The following FHOD3 variants were observed in gnomAD, a reference collection of about 807,000 sequenced individuals.
FHOD3 encodes FH1/FH2 domain-containing protein 3.
Under a neutral mutation model 173.0 loss-of-function variants are expected in FHOD3, and 90 were observed. The observed-to-expected ratio is 0.52, with a 90% confidence interval of 0.44 to 0.62. The LOEUF is 0.62. Among genes scored for constraint, FHOD3 ranks in the 20% least tolerant of loss-of-function variants. The pLI is 0.00. For synonymous variants in FHOD3, 828 were observed against 823.0 expected (o/e 1.01, Z -0.10); for missense variants, 1,945 against 2,034.7 (o/e 0.96, Z 0.85).
At chr18:36,519,973 T>TTTA (rs1555738659) in intron 5 of FHOD3, among the ~76,000 whole-genome samples, 2,449 of 150,218 alleles carry the variant, frequency 0.016, 80 homozygotes, top group African/African-American at 0.058. Flanking sequence ...TTTTTTTTTT[T>TTTA]AAAGAGATGT....
chr18:36,716,314 G>T (rs11662791), intron 18 of FHOD3, among the ~76,000 whole-genome samples: 25 of 152,204 alleles, frequency 1.6e-4, no homozygotes, highest in Non-Finnish European at 3.4e-4. Context: ...TTCTGGATAT[G>T]ACATGAAGGT....
chr18:36,775,818 G>A (rs2043608070), intron 28 of FHOD3, among the ~76,000 whole-genome samples: 1 of 152,240 alleles, frequency 6.6e-6, no homozygotes, highest in Non-Finnish European at 1.5e-5. Context: ...TGTCACCAGG[G>A]CCTGGGGTGC....
At chr18:36,606,967 C>T (rs1474896927) in intron 8 of FHOD3, among the ~76,000 whole-genome samples, 3 of 152,230 alleles carry the variant, frequency 2.0e-5, no homozygotes, top group African/African-American at 7.2e-5. Context: ...CTCAGGCAAC[C>T]CCATCCCTAT....
chr18:36,727,988 C>A (rs927407824), intron 19 of FHOD3, among the ~76,000 whole-genome samples: 1 of 152,204 alleles, frequency 6.6e-6, no homozygotes, highest in Non-Finnish European at 1.5e-5. Flanking sequence ...GCTCACAAGA[C>A]ACCTGCTACT....
chr18:36,780,023 G>C lies in FHOD3; in HGVS notation c.*493G>C, dbSNP rs1404777074. On this transcript the variant is annotated 3_prime_UTR_variant, in exon 29 of 29. Coordinates refer to ENST00000590592, the MANE Select transcript of FHOD3 (RefSeq NM_001281740.3). ...ATACAAATACATACATGTACACCATGTTTCAAATACTAAATAAATAGAGTT... is the reference window on the plus strand; with the variant it reads ...ATACAAATACATACATGTACACCATCTTTCAAATACTAAATAAATAGAGTT... 1.5e-5 allele frequency: 10 copies of C among 675,768 alleles called. No individual in the cohort carries two copies. The highest frequency in any genetic ancestry group is 2.1e-5 in the Non-Finnish European group (10 of 479,346). The allele number at this position is 675,768 out of a possible 1,614,324, so 41.9% of individuals were successfully genotyped here.
rs191265769 is a variant in FHOD3 at position 36,335,452 on chromosome 18, G to A, written c.166-20087G>A. Reference sequence around the variant, plus strand: ...AGAGCTTGCAGTGAGCCGAGATCGCGCCACTGCACTCCAGCCTGGGCGACA... The same window carrying A: ...AGAGCTTGCAGTGAGCCGAGATCGCACCACTGCACTCCAGCCTGGGCGACA... On this transcript the variant is annotated intron_variant, in intron 1 of 28. Coordinates refer to ENST00000590592, the MANE Select transcript of FHOD3 (RefSeq NM_001281740.3). Among the ~76,000 whole-genome samples the A allele has an allele frequency of 8.7e-3, 1,289 of 148,982 alleles. 17 individuals carry two copies. Among genetic ancestry groups the A allele is most frequent in the African/African-American group, 0.029 (1,138 of 39,692 alleles).
intron 3 of FHOD3, among the ~76,000 whole-genome samples, chr18:36,477,591 C>T (rs1260187545): frequency 6.8e-6 from 1 of 147,598 alleles, no homozygotes; most frequent in Non-Finnish European, 1.5e-5. Context: ...ACCTACCTAC[C>T]TACCTACCTA....
At chr18:36,695,168 AC>A (rs552525251) in intron 17 of FHOD3, among the ~76,000 whole-genome samples, 90 of 150,092 alleles carry the variant, frequency 6.0e-4, no homozygotes, top group Non-Finnish European at 8.4e-4. Flanking sequence ...CGTGGAGAAA[AC>A]CGGTCTCTGC....
chr18:36,711,218 C>T (rs2040153506), intron 18 of FHOD3: 1 of 152,238 alleles, frequency 6.6e-6, no homozygotes, highest in African/African-American at 2.4e-5. Context: ...CAGGCATCAT[C>T]AGCCACTGTG....
At chr18:36,399,620 G>A (rs1157157816) in intron 3 of FHOD3, among the ~76,000 whole-genome samples, 1 of 152,198 alleles carries the variant, frequency 6.6e-6, no homozygotes, top group Admixed American at 6.5e-5. Context: ...CTCAGGGCAT[G>A]CACCTTGCTG....
At chr18:36,549,041 G>C (rs571796940) in intron 5 of FHOD3, among the ~76,000 whole-genome samples, 3 of 152,282 alleles carry the variant, frequency 2.0e-5, no homozygotes, top group Admixed American at 2.0e-4. Context: ...ATCCACACTA[G>C]TGTTGTATGA....
chr18:36,476,774 G>C (rs1456928095), intron 3 of FHOD3, among the ~76,000 whole-genome samples: 3 of 152,206 alleles, frequency 2.0e-5, no homozygotes, highest in African/African-American at 7.2e-5. Context: ...CTGTTCTTAA[G>C]TGTAAAGATC....
intron 8 of FHOD3, among the ~76,000 whole-genome samples, chr18:36,606,884 C>T (rs768590603): frequency 2.6e-5 from 4 of 152,224 alleles, no homozygotes; most frequent in Non-Finnish European, 5.9e-5. Context: ...AATCTTAAGA[C>T]ACCAGAATAA....
At position 36,652,568 on chromosome 18, in the gene FHOD3, A is replaced by G; in HGVS notation, c.1287-2A>G. 2 of 1,522,508 alleles carry G rather than the reference A, an allele frequency of 1.3e-6. No individual in the cohort carries two copies. Among genetic ancestry groups the G allele is most frequent in the Non-Finnish European group, 1.8e-6 (2 of 1,137,592 alleles). 94.3% of individuals were successfully genotyped at this position (1,522,508 alleles called of 1,614,324 possible). A position where few individuals can be genotyped will look rare whatever the true frequency, so the allele number is the denominator to read the frequency against. On this transcript the variant is annotated splice_acceptor_variant, in intron 11 of 28. Transcript: ENST00000590592. LOFTEE classifies it high-confidence loss of function. ...TCCTCCTCCTCCCTGCTGGCCCAAC[A>G]GCAAGGTCGGCGCTGCCTCAGGGCA...
chr18:36,620,547 A>G (rs1445753247), intron 9 of FHOD3, among the ~76,000 whole-genome samples: 1 of 152,162 alleles, frequency 6.6e-6, no homozygotes, highest in Non-Finnish European at 1.5e-5. Context: ...TCTAAGCCAT[A>G]TGTCTCATGC....
chr18:36,589,417 G>C (rs1400276524), intron 6 of FHOD3, among the ~76,000 whole-genome samples: 1 of 152,156 alleles, frequency 6.6e-6, no homozygotes, highest in Non-Finnish European at 1.5e-5. Flanking sequence ...GAGGTTGTTT[G>C]TGTGAACAGG....
chr18:36,387,428 T>C (rs2048085684), intron 3 of FHOD3, among the ~76,000 whole-genome samples: 1 of 152,298 alleles, frequency 6.6e-6, no homozygotes, highest in South Asian at 2.1e-4. Context: ...TCCAGCAATT[T>C]CTTGTGGGTA....
rs141510120 is a variant in FHOD3 at position 36,319,140 on chromosome 18, G to T, written c.165+21140G>T. Among the ~76,000 whole-genome samples the T allele has an allele frequency of 3.3e-3, 495 of 152,204 alleles. 4 individuals carry two copies. The highest frequency in any genetic ancestry group is 0.012 in the African/African-American group (480 of 41,522). ...TTCGGTTTGCCAGTATTTTATTGAG[G>T]ATTTTTGCATCGATGTTCATCAGTG... is the stretch of plus-strand genomic sequence containing the variant. On this transcript the variant is annotated intron_variant, in intron 1 of 28. Transcript: ENST00000590592.
At chr18:36,623,986 T>A (rs948945397) in intron 9 of FHOD3, among the ~76,000 whole-genome samples, 1 of 152,248 alleles carries the variant, frequency 6.6e-6, no homozygotes, top group South Asian at 2.1e-4. Context: ...TGTGGTTAGC[T>A]ATCTGAGTCT....
Sources: allele counts gnomAD v4.1 joint callset (sites outside exome capture counted in the v4.1 genomes callset), GRCh38; gene constraint gnomAD v4.1.1; transcripts MANE v1.5; gene names NCBI Gene and HGNC (gene_info 2026-07-23, HGNC 2026-07-21).